Variants in PPP1R9A observed in about 807,000 individuals in gnomAD.
The protein encoded by PPP1R9A is neurabin-1.
In PPP1R9A, 59 loss-of-function variants were observed where a neutral mutation model predicts 141.9. The observed-to-expected ratio is 0.42, with a 90% CI of 0.34 to 0.52. PPP1R9A has a LOEUF of 0.52. PPP1R9A is among the 20% of genes least tolerant of loss of function. The pLI, the probability that PPP1R9A is intolerant of heterozygous loss-of-function variation, is 0.10. For missense variants in PPP1R9A, 1,444 were observed against 1,611.9 expected (o/e 0.90, Z 1.78); for synonymous variants, 500 against 569.7 (o/e 0.88, Z 1.74).
At chr7:95,040,152 A>T (rs1809023571) in intron 2 of PPP1R9A, among the ~76,000 whole-genome samples, 1 of 152,186 alleles carries the variant, frequency 6.6e-6, no homozygotes, top group African/African-American at 2.4e-5. Context: ...TAGATGTTTT[A>T]AACACCTACC....
chr7:95,131,075 G>A (rs1412411973), intron 4 of PPP1R9A, among the ~76,000 whole-genome samples: 1 of 152,110 alleles, frequency 6.6e-6, no homozygotes, highest in East Asian at 1.9e-4. Flanking sequence ...GATTTGGCAG[G>A]GGCTGGGGCA....
At chr7:95,001,995 A>G (rs1802998763) in intron 2 of PPP1R9A, among the ~76,000 whole-genome samples, 1 of 152,228 alleles carries the variant, frequency 6.6e-6, no homozygotes, top group Non-Finnish European at 1.5e-5. Flanking sequence ...CATGCTTTTT[A>G]GAAACCAGAA....
chr7:94,919,451 G>A (rs1792514289), intron 2 of PPP1R9A, among the ~76,000 whole-genome samples: 1 of 151,842 alleles, frequency 6.6e-6, no homozygotes, highest in Non-Finnish European at 1.5e-5. Flanking sequence ...TGCCAACATA[G>A]GGTTTCTTTA....
At chr7:95,260,643 C>T (rs147429572) in intron 12 of PPP1R9A, among the ~76,000 whole-genome samples, 187 of 148,656 alleles carry the variant, frequency 1.3e-3, no homozygotes, top group Non-Finnish European at 2.2e-3. Flanking sequence ...AGTGCCCCTA[C>T]ACTCCAGCCT....
chr7:94,991,729 G>A (rs557551880), intron 2 of PPP1R9A, among the ~76,000 whole-genome samples: 8 of 151,992 alleles, frequency 5.3e-5, no homozygotes, highest in East Asian at 1.9e-4. Context: ...ATGGCTCACC[G>A]CAGCCTTGAC....
At chr7:95,016,553 AC>A (rs1805137658) in intron 2 of PPP1R9A, among the ~76,000 whole-genome samples, 2 of 152,146 alleles carry the variant, frequency 1.3e-5, no homozygotes. Context: ...GGTTTATTTA[AC>A]ATCCTAAAGT....
At chr7:95,179,778 C>CAAAAAAAAAAAAAAA (rs61054939) in intron 5 of PPP1R9A, among the ~76,000 whole-genome samples, 1 of 96,986 alleles carries the variant, frequency 1.0e-5, no homozygotes, top group Non-Finnish European at 2.1e-5. Context: ...ACAATAGCTG[C>CAAAAAAAAAAAAAAA]AAAAAAAAAA....
intron 2 of PPP1R9A, among the ~76,000 whole-genome samples, chr7:95,037,579 C>T (rs368024541): frequency 1.1e-4 from 16 of 152,158 alleles, no homozygotes; most frequent in East Asian, 9.6e-4. Flanking sequence ...ACCAGGTTTG[C>T]ACTATTGTAA....
At chr7:94,970,641 T>TC (rs1420873756) in intron 2 of PPP1R9A, among the ~76,000 whole-genome samples, 49 of 150,568 alleles carry the variant, frequency 3.3e-4, no homozygotes, top group African/African-American at 1.0e-3. Context: ...CCTTTTTTTT[T>TC]TTTTTTTTTT....
At chr7:95,116,572 A>G (rs1232460432) in intron 3 of PPP1R9A, among the ~76,000 whole-genome samples, 3 of 152,208 alleles carry the variant, frequency 2.0e-5, no homozygotes, top group Non-Finnish European at 2.9e-5. Context: ...AGTCATTTCT[A>G]TTTGAAAGCA....
At chr7:95,266,877 G>A (rs992737791) in intron 12 of PPP1R9A, among the ~76,000 whole-genome samples, 2 of 152,062 alleles carry the variant, frequency 1.3e-5, no homozygotes, top group Non-Finnish European at 2.9e-5. Context: ...CTCTTAATGG[G>A]CAGCTACAAA....
intron 3 of PPP1R9A, 68 bp downstream of exon 3, chr7:95,111,459 A>T: frequency 7.1e-7 from 1 of 1,413,824 alleles, no homozygotes; most frequent in South Asian, 1.4e-5. Flanking sequence ...ATTTTTCCAA[A>T]ATGTAGCCTT....
chr7:95,216,043 T>C (rs1793331102), intron 7 of PPP1R9A, among the ~76,000 whole-genome samples: 2 of 152,224 alleles, frequency 1.3e-5, no homozygotes, highest in South Asian at 4.1e-4. Context: ...ATGAAGTCCT[T>C]GCCCATGCCT....
intron 4 of PPP1R9A, among the ~76,000 whole-genome samples, chr7:95,138,081 C>T (rs1007721881): frequency 1.3e-5 from 2 of 151,792 alleles, no homozygotes; most frequent in African/African-American, 2.4e-5. Context: ...TAAAGGTGCC[C>T]GCCATCACAC....
chr7:95,240,602 G>A (rs1307512533), intron 8 of PPP1R9A, among the ~76,000 whole-genome samples: 2 of 151,586 alleles, frequency 1.3e-5, no homozygotes, highest in African/African-American at 2.4e-5. Context: ...ATAGTTTACT[G>A]TCTTTACCAT....
chr7:95,147,902 A>G (rs1413319369), intron 4 of PPP1R9A, among the ~76,000 whole-genome samples: 8 of 152,244 alleles, frequency 5.3e-5, no homozygotes, highest in African/African-American at 1.7e-4. Context: ...GTTTGCCAGT[A>G]TTTTATTGAG....
chr7:95,130,096 TGTCTCCAGGGCATATCAGAG>T (rs1385120529), intron 4 of PPP1R9A, among the ~76,000 whole-genome samples: 1 of 152,050 alleles, frequency 6.6e-6, no homozygotes, highest in African/African-American at 2.4e-5. Flanking sequence ...TGGGGGAAAA[TGTCTCCAGGGCATATCAGAG>T]GTCTTCAGGG....
At position 95,138,024 on chromosome 7, in the gene PPP1R9A, C is replaced by T. The variant is rs1447431918; in HGVS notation, c.1649+17192C>T. On this transcript the variant is annotated intron_variant, in intron 4 of 19. Coordinates refer to ENST00000433360, the MANE Select transcript of PPP1R9A (RefSeq NM_001166160.2). ...CTCGGCTCACTGCGAACCCCGCCTC[C>T]CAGGTTCACACCATTCTCCTGCCTC... Among the ~76,000 whole-genome samples the T allele has an allele frequency of 2.0e-5, 3 of 151,416 alleles. No individual in the cohort carries two copies. In the East Asian group the frequency reaches 5.8e-4, roughly 29 times the overall value.
intron 5 of PPP1R9A, chr7:95,175,187 A>G (rs1202604624): frequency 1.3e-5 from 2 of 152,136 alleles, no homozygotes; most frequent in Non-Finnish European, 2.9e-5. Flanking sequence ...TCAGACTTAA[A>G]TAAAAGGAGT....
Sources: allele counts gnomAD v4.1 joint callset (sites outside exome capture counted in the v4.1 genomes callset), GRCh38; gene constraint gnomAD v4.1.1; transcripts MANE v1.5; gene names NCBI Gene and HGNC (gene_info 2026-07-23, HGNC 2026-07-21).